SYTL5: variants seen among roughly 807,000 people sequenced by gnomAD.
SYTL5 encodes synaptotagmin-like protein 5.
A neutral mutation model predicts 55.9 loss-of-function variants in SYTL5; 34 were observed. That is an observed-to-expected ratio of 0.61 (90% CI 0.46 to 0.81). The LOEUF (loss-of-function observed/expected upper bound fraction) is 0.81. Ranked by LOEUF, SYTL5 falls within the 30% of genes least tolerant of loss-of-function variation. The pLI is 0.00. For missense variants in SYTL5, 637 were observed against 546.7 expected, an observed-to-expected ratio of 1.17 and a Z score of -1.65; for synonymous variants, 221 against 188.7, an observed-to-expected ratio of 1.17 and a Z score of -1.40.
chrX:37,967,664 T>C, the SYTL5 span, among the ~76,000 whole-genome samples: 2 of 111,606 alleles, frequency 1.8e-5, no homozygotes, highest in African/African-American at 6.5e-5. Flanking sequence ...CTATATCTTT[T>C]TTCTTTCTGA....
intron 3 of SYTL5, among the ~76,000 whole-genome samples, chrX:38,064,204 G>A (rs911148100): frequency 9.0e-6 from 1 of 111,081 alleles, no homozygotes; most frequent in African/African-American, 3.3e-5. Flanking sequence ...GTGCATCTGG[G>A]AATGAAATTG....
intron 1 of SYTL5, among the ~76,000 whole-genome samples, chrX:38,011,881 A>ATT (rs56879270): frequency 0.094 from 9,790 of 104,510 alleles, 821 homozygotes; most frequent in African/African-American, 0.24. Flanking sequence ...GTTTAGTGGG[A>ATT]TTTTTTTTTT....
chrX:37,923,336 G>A, the SYTL5 span, among the ~76,000 whole-genome samples: 4 of 111,716 alleles, frequency 3.6e-5, no homozygotes, highest in Non-Finnish European at 7.5e-5. Flanking sequence ...TGAGTGTGTA[G>A]TAATCTCTCA....
chrX:37,941,848 C>T, the SYTL5 span, among the ~76,000 whole-genome samples: 1 of 111,732 alleles, frequency 8.9e-6, no homozygotes, highest in Non-Finnish European at 1.9e-5. Context: ...TTTCTAAAAT[C>T]TATTTTTACT....
intron 13 of SYTL5, among the ~76,000 whole-genome samples, chrX:38,115,180 A>G (rs1244179348): frequency 1.8e-5 from 2 of 111,145 alleles, no homozygotes; most frequent in African/African-American, 6.6e-5. Flanking sequence ...GAGTGTAGAG[A>G]TCTCTTTAAG....
At chrX:37,988,753 G>C in the SYTL5 span, among the ~76,000 whole-genome samples, 1 of 112,137 alleles carries the variant, frequency 8.9e-6, no homozygotes, top group Non-Finnish European at 1.9e-5. Flanking sequence ...TGAATGCTTA[G>C]AAAGAAATTA....
At chrX:38,120,787 C>T (rs1937563290) in intron 14 of SYTL5, among the ~76,000 whole-genome samples, 1 of 110,326 alleles carries the variant, frequency 9.1e-6, no homozygotes, top group African/African-American at 3.3e-5. Context: ...TAGGAAACTG[C>T]TCCATGGATT....
the SYTL5 span, among the ~76,000 whole-genome samples, chrX:37,930,031 C>T: frequency 9.0e-6 from 1 of 111,352 alleles, no homozygotes; most frequent in Admixed American, 9.5e-5. Flanking sequence ...CAATCCCTCT[C>T]AAAAAGATAG....
the SYTL5 span, among the ~76,000 whole-genome samples, chrX:37,927,626 A>C: frequency 9.1e-6 from 1 of 110,089 alleles, no homozygotes; most frequent in African/African-American, 3.3e-5. Flanking sequence ...ATACAAAAAA[A>C]AATTAGCTGG....
At chrX:38,095,331 C>T (rs1936903743) in intron 8 of SYTL5, among the ~76,000 whole-genome samples, 1 of 112,076 alleles carries the variant, frequency 8.9e-6, no homozygotes, top group Non-Finnish European at 1.9e-5. Flanking sequence ...TAATTGAGTA[C>T]GTACTCTGTG....
intron 3 of SYTL5, among the ~76,000 whole-genome samples, chrX:38,060,667 G>C (rs1260120175): frequency 8.9e-6 from 1 of 112,166 alleles, no homozygotes; most frequent in Admixed American, 9.4e-5. Context: ...GTTTTCTTCT[G>C]TCAGGAGCAT....
the SYTL5 span, among the ~76,000 whole-genome samples, chrX:37,990,163 C>T: frequency 2.7e-5 from 3 of 111,199 alleles, no homozygotes; most frequent in African/African-American, 9.8e-5. Context: ...TGAGCCACTG[C>T]GCCCGGCTGA....
intron 8 of SYTL5, among the ~76,000 whole-genome samples, chrX:38,094,663 C>T (rs1053479153): frequency 9.0e-6 from 1 of 111,663 alleles, no homozygotes; most frequent in Non-Finnish European, 1.9e-5. Flanking sequence ...CAGGTATCAT[C>T]ACTGAGTTTC....
intron 2 of SYTL5, among the ~76,000 whole-genome samples, chrX:38,047,622 A>C (rs1569167300): frequency 8.9e-6 from 1 of 112,733 alleles, no homozygotes; most frequent in Non-Finnish European, 1.9e-5. Flanking sequence ...TGCCTTGGTG[A>C]TTACATTTGG....
intron 4 of SYTL5, 138 bp downstream of exon 4, chrX:38,072,300 G>A (rs1936287225): frequency 2.3e-6 from 1 of 430,224 alleles, no homozygotes; most frequent in Admixed American, 4.1e-5. Context: ...TTGGTAGCAT[G>A]AAATCTAGAT....
At chrX:37,991,483 G>A in the SYTL5 span, among the ~76,000 whole-genome samples, 2 of 111,038 alleles carry the variant, frequency 1.8e-5, no homozygotes, top group Non-Finnish European at 3.8e-5. Context: ...TGAGGGCGCC[G>A]GCCCTGTGGG....
intron 9 of SYTL5, among the ~76,000 whole-genome samples, chrX:38,096,570 A>G (rs1402484353): frequency 1.8e-5 from 2 of 111,561 alleles, no homozygotes; most frequent in African/African-American, 6.5e-5. Flanking sequence ...ATCTGATTAC[A>G]TATTTATATC....
the SYTL5 span, among the ~76,000 whole-genome samples, chrX:37,999,790 T>C: frequency 8.9e-6 from 1 of 112,077 alleles, no homozygotes; most frequent in Non-Finnish European, 1.9e-5. Flanking sequence ...CCAGACTTTT[T>C]TTCTAAGTTC....
At chrX:38,013,353 A>C (rs187164086) in intron 1 of SYTL5, among the ~76,000 whole-genome samples, 70 of 112,222 alleles carry the variant, frequency 6.2e-4, no homozygotes, top group African/African-American at 1.9e-3. Context: ...TCAGACCTAA[A>C]GAGTAGGTTC....
Sources: allele counts gnomAD v4.1 joint callset (sites outside exome capture counted in the v4.1 genomes callset), GRCh38; gene constraint gnomAD v4.1.1; transcripts MANE v1.5; gene names NCBI Gene and HGNC (gene_info 2026-07-23, HGNC 2026-07-21).